The following PKD1L1 variants were observed in gnomAD, a reference collection of about 807,000 sequenced individuals.
PKD1L1 encodes polycystin 1 like 1, transient receptor potential channel interacting.
PKD1L1 carries 236 observed loss-of-function variants against 323.4 expected under a neutral mutation model. The observed-to-expected ratio is 0.73, with a 90% CI of 0.66 to 0.81. The LOEUF is 0.81. Among genes scored for constraint, PKD1L1 ranks in the 40% least tolerant of loss-of-function variants. The probability of loss-of-function intolerance (pLI) is 0.00; values close to 1 mark genes in which losing one functional copy is unlikely to be tolerated. For missense variants in PKD1L1, 3,320 were observed against 3,508.0 expected (o/e 0.95, Z 1.35); for synonymous variants, 1,344 against 1,335.0 (o/e 1.01, Z -0.15).
chr7:47,861,038 C>T (rs34305531), intron 26 of PKD1L1, among the ~76,000 whole-genome samples: 24,574 of 152,084 alleles, frequency 0.16, 2,135 homozygotes, highest in African/African-American at 0.19. Context: ...ACTTAGGAAG[C>T]CACAGAGTGG....
At chr7:47,958,229 A>G in the PKD1L1 span, among the ~76,000 whole-genome samples, 293 of 152,380 alleles carry the variant, frequency 1.9e-3, 2 homozygotes, top group African/African-American at 6.8e-3. Flanking sequence ...ACAGCATGGT[A>G]CTGGTATAAA....
Position 47,821,188 on chromosome 7 carries a change from T to C in PKD1L1, c.6855-2A>G. The C allele has an allele frequency of 1.3e-6, 2 of 1,590,160 alleles. No homozygotes were observed. The highest frequency in any genetic ancestry group is 1.7e-6 in the Non-Finnish European group (2 of 1,158,832). On this transcript the variant is annotated splice_acceptor_variant, in intron 45 of 56. Coordinates refer to ENST00000289672, the MANE Select transcript of PKD1L1 (RefSeq NM_138295.5). LOFTEE classifies it high-confidence loss of function. Reference sequence around the variant, plus strand: ...ATGAGGATGTCCATGGAAATGTCTCTGTAAGAAGAGTTTTTAAGTTAGCAT... The same window carrying C: ...ATGAGGATGTCCATGGAAATGTCTCCGTAAGAAGAGTTTTTAAGTTAGCAT...
Position 47,827,405 on chromosome 7 carries a change from G to A in PKD1L1, c.6799C>T (p.Leu2267=), listed in dbSNP as rs768812355. ...CTCATCCTCTGTCTGGTGCCCCTCA[G>A]CTGGGCCTTGGATGGTGGATGCGCC... ...RWAHPPSKAQ[L]RGTRQRMRRE... The change falls in exon 45 of 57, where the codon CTG becomes TTG. Residue 2267 remains leucine (L), a synonymous_variant. Coordinates refer to ENST00000289672, the MANE Select transcript of PKD1L1 (RefSeq NM_138295.5). The A allele has an allele frequency of 1.2e-6, 2 of 1,613,304 alleles. No homozygotes were observed. The highest frequency in any genetic ancestry group is 1.7e-6 in the Non-Finnish European group (2 of 1,179,870).
intron 30 of PKD1L1, among the ~76,000 whole-genome samples, chr7:47,853,920 G>A (rs1785841906): frequency 6.6e-6 from 1 of 152,168 alleles, no homozygotes; most frequent in Non-Finnish European, 1.5e-5. Context: ...ATGTTTGCAT[G>A]TTTGTGTTAA....
chr7:47,811,347 G>A (rs977841177), intron 50 of PKD1L1, among the ~76,000 whole-genome samples: 3 of 152,008 alleles, frequency 2.0e-5, no homozygotes, highest in African/African-American at 7.2e-5. Flanking sequence ...AGTAGAGATG[G>A]GTTTTCACCA....
intron 7 of PKD1L1, among the ~76,000 whole-genome samples, chr7:47,926,763 T>C (rs1236450857): frequency 6.6e-6 from 1 of 151,996 alleles, no homozygotes; most frequent in Non-Finnish European, 1.5e-5. Flanking sequence ...CCAGCATTGG[T>C]AGAGGCAGCA....
rs770432412 is a variant in PKD1L1, at chr7:47,843,085, T to G, written c.5322A>C (p.Val1774=). 15 of 1,613,746 alleles carry G rather than the reference T, an allele frequency of 9.3e-6. No individual in the cohort carries two copies. In the Admixed American group the frequency reaches 2.5e-4, roughly 27 times the overall value. The change falls in exon 34 of 57, where the codon GTA becomes GTC. Residue 1774 remains valine (V), a synonymous_variant. Transcript: ENST00000289672. The part of the protein sequence containing the change: ...YGFLVAKSRQ[V]DHHEKKKAGY... ...CAGCTTTCTTTTTTTCATGATGATC[T>G]ACTTGTCTACTTTTAGCGACCAAAA...
At position 47,800,525 on chromosome 7, in the gene PKD1L1, G is replaced by T. The variant is rs1784636938; in HGVS notation, c.8193+124C>A. On this transcript the variant is annotated intron_variant, in intron 54 of 56. Transcript: ENST00000289672. ...CAGGGCAGGTGAGCTGGACGGCAGG[G>T]ATTCATTACCATGAGATCTGGCCTG... 9.2e-6 allele frequency: 9 copies of T among 978,620 alleles called. No individual in the cohort carries two copies. The South Asian group carries it at 1.3e-4, about 14-fold the overall frequency. 60.6% of individuals were successfully genotyped at this position (978,620 alleles called of 1,614,324 possible). A position where few individuals can be genotyped will look rare whatever the true frequency, so the allele number is the denominator to read the frequency against.
intron 2 of PKD1L1, 117 bp downstream of exon 2, chr7:47,943,279 C>T: frequency 2.5e-6 from 2 of 804,162 alleles, no homozygotes; most frequent in Non-Finnish European, 3.9e-6. Context: ...TCTGACCTTC[C>T]TTCTGTTTCT....
At chr7:47,886,202 A>G (rs1209792333) in intron 17 of PKD1L1, 148 bp from the exon 18 acceptor site, 1 of 1,122,040 alleles carries the variant, frequency 8.9e-7, no homozygotes, top group Admixed American at 2.9e-5. Context: ...CAGGGCAGAG[A>G]GTGTGGTGTT....
chr7:47,931,276 C>T lies in PKD1L1; in HGVS notation c.565G>A (p.Glu189Lys), dbSNP rs1787767162. Residue 189 changes from glutamate to lysine, a missense_variant, in exon 6 of 57, where the codon GAG (glutamate) becomes AAG (lysine). Transcript: ENST00000289672. ...AGTCTCAGGACACAGCAGGAAGCCT[C>T]CATCTTCAGGCTGCAGGGAGCTGCT... ...SAAAPCSLKM[E>K]ASCCVLRLLC... 3 of 1,614,232 alleles carry T rather than the reference C, an allele frequency of 1.9e-6. No homozygotes were observed. Among genetic ancestry groups the T allele is most frequent in the South Asian group, 1.1e-5 (1 of 91,088 alleles).
chr7:47,882,284 C>T (rs1307687978), intron 19 of PKD1L1, among the ~76,000 whole-genome samples, 199 bp from the exon 20 acceptor site: 1 of 70,248 alleles, frequency 1.4e-5, no homozygotes, highest in Non-Finnish European at 3.6e-5. Context: ...AAGGCATCTT[C>T]CCTCCCTCCC....
Position 47,835,132 on chromosome 7 carries a change from C to T in PKD1L1, c.6054+1G>A, listed in dbSNP as rs200119501. On this transcript the variant is annotated splice_donor_variant, in intron 38 of 56. Coordinates refer to ENST00000289672, the MANE Select transcript of PKD1L1 (RefSeq NM_138295.5). LOFTEE classifies it high-confidence loss of function. Reference sequence around the variant, plus strand: ...GGGCCATGAGGACAAGTCGCAGGTACCTTGCTGAGCCTGAAGAGCAGGGAC... The same window carrying T: ...GGGCCATGAGGACAAGTCGCAGGTATCTTGCTGAGCCTGAAGAGCAGGGAC... 30 of 1,599,254 alleles carry T rather than the reference C, an allele frequency of 1.9e-5. No individual in the cohort carries two copies. Among genetic ancestry groups the T allele is most frequent in the South Asian group, 5.6e-5 (5 of 89,702 alleles).
Position 47,840,592 on chromosome 7 carries a change from A to G in PKD1L1, c.5446-25T>C. 1 of 1,560,272 alleles carries G rather than the reference A, an allele frequency of 6.4e-7. No individual in the cohort carries two copies. Among genetic ancestry groups the G allele is most frequent in the Non-Finnish European group, 8.8e-7 (1 of 1,132,074 alleles). The stretch of plus-strand genomic sequence containing the variant: ...CCTCAAAACAAAGAACAGGGGTGGG[A>G]ACTCAGGCTATTTCACAGCAGACAC... On this transcript the variant is annotated intron_variant, in intron 34 of 56. Coordinates refer to ENST00000289672, the MANE Select transcript of PKD1L1 (RefSeq NM_138295.5). The surrounding 1 kb of genome is among the most constrained non-coding windows in gnomAD (Gnocchi z 4.1).
chr7:47,943,624 A>G (rs898813425), intron 1 of PKD1L1, 113 bp from the exon 2 acceptor site: 39 of 819,890 alleles, frequency 4.8e-5, no homozygotes, highest in South Asian at 6.7e-5. Flanking sequence ...AAAAGTATTA[A>G]GTACAAAATT....
At position 47,890,402 on chromosome 7, in the gene PKD1L1, C is replaced by T. The variant is rs116486404; in HGVS notation, c.2675+140G>A. ...CCAGCCGCTTTCTGAACAGTCTTCT[C>T]CTCCTCCTTTGCAGTGAGAATCCTG... is the stretch of plus-strand genomic sequence containing the variant. On this transcript the variant is annotated intron_variant, in intron 16 of 56. Coordinates refer to ENST00000289672, the MANE Select transcript of PKD1L1 (RefSeq NM_138295.5). 852 of 812,036 alleles carry T rather than the reference C, an allele frequency of 1.0e-3. 5 individuals are homozygous for T. The African/African-American group carries it at 0.013, about 12-fold the overall frequency. The allele number at this position is 812,036 out of a possible 1,614,324, so 50.3% of individuals were successfully genotyped here.
intron 14 of PKD1L1, among the ~76,000 whole-genome samples, chr7:47,897,539 CA>C (rs1786983833): frequency 6.6e-6 from 1 of 152,220 alleles, no homozygotes; most frequent in Admixed American, 6.5e-5. Context: ...CGCATATTTT[CA>C]CCACTTTTTC....
intron 53 of PKD1L1, among the ~76,000 whole-genome samples, chr7:47,801,261 T>C (rs925468197): frequency 3.3e-5 from 5 of 152,162 alleles, no homozygotes; most frequent in African/African-American, 1.2e-4. Context: ...ATGATCTTTA[T>C]GTCCCCCGCA....
At chr7:47,944,950 C>T (rs1441050640) in intron 1 of PKD1L1, among the ~76,000 whole-genome samples, 1 of 152,220 alleles carries the variant, frequency 6.6e-6, no homozygotes, top group African/African-American at 2.4e-5. Flanking sequence ...GTTTCTCCTC[C>T]ATGCCCATTC....
Sources: allele counts gnomAD v4.1 joint callset (sites outside exome capture counted in the v4.1 genomes callset), GRCh38; gene constraint gnomAD v4.1.1; non-coding constraint Gnocchi (gnomAD v3.1); transcripts MANE v1.5; gene names NCBI Gene and HGNC (gene_info 2026-07-23, HGNC 2026-07-21).